Variants in STAM observed in about 807,000 individuals in gnomAD.
STAM encodes the protein signal transducing adapter molecule 1.
In STAM, 16 loss-of-function variants were observed where a neutral mutation model predicts 63.4. That is an observed-to-expected ratio of 0.25 (90% CI 0.17 to 0.38). The LOEUF is 0.38. Among genes scored for constraint, STAM ranks in the 10% least tolerant of loss-of-function variants. STAM has a pLI of 1.00. For synonymous variants in STAM, 238 were observed against 223.9 expected, an observed-to-expected ratio of 1.06 and a Z score of -0.56; for missense variants, 636 against 657.1, an observed-to-expected ratio of 0.97 and a Z score of 0.35.
At chr10:17,699,900 A>T (rs1554828135) in intron 8 of STAM, among the ~76,000 whole-genome samples, 1 of 152,214 alleles carries the variant, frequency 6.6e-6, no homozygotes, top group Admixed American at 6.5e-5. Flanking sequence ...CTAAACTCTG[A>T]TGTGTAGTAG....
chr10:17,669,196 T>C (rs1165453004), intron 2 of STAM, among the ~76,000 whole-genome samples: 2 of 152,200 alleles, frequency 1.3e-5, no homozygotes, highest in Non-Finnish European at 2.9e-5. Flanking sequence ...CATCTTTTTT[T>C]CTTCTGATTT....
chr10:17,704,909 C>A, intron 10 of STAM, 61 bp from the exon 11 acceptor site: 1 of 1,336,032 alleles, frequency 7.5e-7, no homozygotes, highest in Non-Finnish European at 1.1e-6. Flanking sequence ...AAATATCTAT[C>A]AAAGGTTCAC....
At chr10:17,686,037 A>G (rs1554826043) in intron 4 of STAM, among the ~76,000 whole-genome samples, 5 of 152,238 alleles carry the variant, frequency 3.3e-5, no homozygotes, top group Non-Finnish European at 7.3e-5. Context: ...AAATAGCAGT[A>G]TAGAAATATA....
At position 17,704,970 on chromosome 10, in the gene STAM, C is replaced by T. The variant is rs782502288; in HGVS notation, c.1001C>T (p.Ala334Val). ...PDLPELLHLEAMCHQMGPLID... is the reference protein window; with the variant it reads ...PDLPELLHLEVMCHQMGPLID... ...ATTTCTTCACATCTTGTCATTTTAG[C>T]AATGTGTCACCAGATGGGACCTCTC... Residue 334 changes from alanine to valine, a missense_variant and splice_region_variant, in exon 11 of 14, where the codon GCA (alanine) becomes GTA (valine). Transcript: ENST00000377524. The T allele has an allele frequency of 1.9e-6, 3 of 1,611,290 alleles. No individual in the cohort carries two copies. The highest frequency in any genetic ancestry group is 2.5e-6 in the Non-Finnish European group (3 of 1,178,652).
intron 2 of STAM, among the ~76,000 whole-genome samples, chr10:17,672,355 A>G (rs1393032420): frequency 6.6e-6 from 1 of 152,174 alleles, no homozygotes; most frequent in Non-Finnish European, 1.5e-5. Flanking sequence ...AGAATGCAAA[A>G]TTGCTTTTAG....
chr10:17,646,914 C>T (rs782097321), intron 1 of STAM, among the ~76,000 whole-genome samples: 5 of 152,190 alleles, frequency 3.3e-5, no homozygotes, highest in Admixed American at 6.5e-5. Flanking sequence ...CACTCGTATA[C>T]ATTTGCACAT....
intron 4 of STAM, among the ~76,000 whole-genome samples, chr10:17,685,444 A>G (rs1424858605): frequency 3.3e-5 from 5 of 152,210 alleles, no homozygotes; most frequent in African/African-American, 4.8e-5. Flanking sequence ...GACTGCCCCA[A>G]ACTGTTCCAG....
Position 17,696,852 on chromosome 10 carries a change from C to T in STAM, c.806C>T (p.Thr269Ile). The T allele has an allele frequency of 1.2e-6, 2 of 1,613,042 alleles. No homozygotes were observed. The highest frequency in any genetic ancestry group is 1.7e-6 in the Non-Finnish European group (2 of 1,178,968). ...FPSNFVTADL[T>I]AEPEMIKTEK... Reference sequence around the variant, plus strand: ...TCTAATTTTGTGACTGCAGATCTCACTGCTGAACCAGAAATGAGTAAGTAT... The same window carrying T: ...TCTAATTTTGTGACTGCAGATCTCATTGCTGAACCAGAAATGAGTAAGTAT... Residue 269 changes from threonine (T) to isoleucine (I), a missense_variant, in exon 8 of 14, where the codon ACT becomes ATT. Physicochemically the swap from Thr to Ile is moderately conservative, Grantham distance 89. Around this residue, in one of 3 missense-constraint regions of STAM, gnomAD observed 532 missense variants for 536.9 expected, o/e 0.99. Transcript: ENST00000377524.
intron 2 of STAM, among the ~76,000 whole-genome samples, chr10:17,676,147 A>G (rs1406470934): frequency 6.6e-6 from 1 of 152,230 alleles, no homozygotes; most frequent in Non-Finnish European, 1.5e-5. Flanking sequence ...ACAGTAGCAC[A>G]GTTTGGATAT....
At chr10:17,666,852 C>T (rs1362861760) in intron 2 of STAM, among the ~76,000 whole-genome samples, 1 of 152,158 alleles carries the variant, frequency 6.6e-6, no homozygotes, top group Admixed American at 6.5e-5. Context: ...AGAAACAGAC[C>T]TCTTTCAAGT....
At chr10:17,714,345 T>C (rs1836705330) in intron 13 of STAM, among the ~76,000 whole-genome samples, 198 bp from the exon 14 acceptor site, 1 of 151,804 alleles carries the variant, frequency 6.6e-6, no homozygotes, top group Non-Finnish European at 1.5e-5. Context: ...AATGGTTAAA[T>C]AACACACATA....
chr10:17,688,072 T>G lies in STAM; in HGVS notation c.343T>G (p.Trp115Gly). 1 of 1,608,670 alleles carries G rather than the reference T, an allele frequency of 6.2e-7. No homozygotes were observed. Among genetic ancestry groups the G allele is most frequent in the Non-Finnish European group, 8.5e-7 (1 of 1,177,588 alleles). The change falls in exon 5 of 14, where the codon TGG (tryptophan) becomes GGG (glycine). Residue 115 changes from tryptophan to glycine, a missense_variant. By Grantham distance (184) the Trp-to-Gly change is radical. Around this residue, in one of 3 missense-constraint regions of STAM, gnomAD observed 532 missense variants for 536.9 expected, o/e 0.99. Coordinates refer to ENST00000377524, the MANE Select transcript of STAM (RefSeq NM_003473.4). ...CEKLKALMVEWTDEFKNDPQL... is the reference protein window; with the variant it reads ...CEKLKALMVEGTDEFKNDPQL... ...AAAATTAAAGGCTCTTATGGTTGAA[T>G]GGACAGATGAATTTAAGAATGATCC...
chr10:17,679,068 A>G (rs561975927), intron 2 of STAM, among the ~76,000 whole-genome samples: 1 of 152,268 alleles, frequency 6.6e-6, no homozygotes, highest in Non-Finnish European at 1.5e-5. Flanking sequence ...TACTCTGAAC[A>G]TGGGTGTACG....
chr10:17,710,040 A>G lies in STAM; in HGVS notation c.1385+1089A>G, dbSNP rs1554829924. 2.6e-5 allele frequency among the ~76,000 whole-genome samples: 4 copies of G among 151,302 alleles called. No homozygotes were observed. In the South Asian group the frequency reaches 6.3e-4, roughly 24 times the overall value. ...AATAAACAGCTGTTCTTAGAGTAGC[A>G]TGTTGCTTTACAACTAGATACAAAG... On this transcript the variant is annotated intron_variant, in intron 13 of 13. Coordinates refer to ENST00000377524, the MANE Select transcript of STAM (RefSeq NM_003473.4).
intron 4 of STAM, among the ~76,000 whole-genome samples, chr10:17,686,904 C>A (rs1554826150): frequency 6.6e-6 from 1 of 152,118 alleles, no homozygotes. Context: ...GAAATACATT[C>A]ATGACATTTC....
rs1401898141 is a variant in STAM at position 17,715,889 on chromosome 10, A to G, written c.*1109A>G. 6.6e-6 allele frequency: 1 copy of G among 152,622 alleles called. No individual in the cohort carries two copies. The highest frequency in any genetic ancestry group is 1.5e-5 in the Non-Finnish European group (1 of 68,016). 9.5% of individuals were successfully genotyped at this position (152,622 alleles called of 1,614,324 possible). ...CCTTTAATTCTTCATTAAAATGGAA[A>G]TAAGTAGATGTTTCAAAGTAATCTA... On this transcript the variant is annotated 3_prime_UTR_variant, in exon 14 of 14. Transcript: ENST00000377524.
chr10:17,664,016 A>C, intron 2 of STAM, among the ~76,000 whole-genome samples: 1 of 152,056 alleles, frequency 6.6e-6, no homozygotes. Context: ...AAAATATATT[A>C]GTATTATATA....
chr10:17,668,737 A>T (rs1337354850), intron 2 of STAM, among the ~76,000 whole-genome samples: 1 of 152,200 alleles, frequency 6.6e-6, no homozygotes, highest in East Asian at 1.9e-4. Flanking sequence ...TCAGACTGGC[A>T]TCTTTCACTT....
Position 17,644,384 on chromosome 10 carries a change from G to A in STAM, c.40+5G>A, listed in dbSNP as rs782120332. The A allele has an allele frequency of 2.6e-5, 42 of 1,614,036 alleles. No individual in the cohort carries two copies. The highest frequency in any genetic ancestry group is 3.5e-5 in the Non-Finnish European group (41 of 1,180,010). ...ATCCCTTCGATCAGGATGTTGGTAA[G>A]TGTTTTTGCCTCTCCCTGCCCATTC... On this transcript the variant is annotated splice_donor_5th_base_variant and intron_variant, in intron 1 of 13. Coordinates refer to ENST00000377524, the MANE Select transcript of STAM (RefSeq NM_003473.4).
Sources: allele counts gnomAD v4.1 joint callset (sites outside exome capture counted in the v4.1 genomes callset), GRCh38; gene constraint gnomAD v4.1.1; regional missense constraint gnomAD v4.1.1; transcripts MANE v1.5; gene names NCBI Gene and HGNC (gene_info 2026-07-23, HGNC 2026-07-21).